WDR70: variants seen among roughly 807,000 people sequenced by gnomAD.
WDR70 encodes WD repeat-containing protein 70.
In WDR70, 53 loss-of-function variants were observed where a neutral mutation model predicts 88.6. That is an observed-to-expected ratio of 0.60 (90% CI 0.48 to 0.75). The LOEUF (loss-of-function observed/expected upper bound fraction) is 0.75, where lower values mean the gene tolerates loss of function less well. Ranked by LOEUF, WDR70 falls within the 30% of genes least tolerant of loss-of-function variation. The pLI, the probability that WDR70 is intolerant of heterozygous loss-of-function variation, is 0.00. For synonymous variants in WDR70, 280 were observed against 270.0 expected, an observed-to-expected ratio of 1.04 and a Z score of -0.36; for missense variants, 610 against 823.2, an observed-to-expected ratio of 0.74 and a Z score of 3.17.
chr5:37,513,009 T>C (rs1204933420), intron 8 of WDR70, among the ~76,000 whole-genome samples: 1 of 152,242 alleles, frequency 6.6e-6, no homozygotes, highest in Non-Finnish European at 1.5e-5. Context: ...TAGATAGTTA[T>C]CTGGGGTATT....
At chr5:37,729,871 T>C (rs568493556) in intron 17 of WDR70, among the ~76,000 whole-genome samples, 1 of 152,304 alleles carries the variant, frequency 6.6e-6, no homozygotes, top group African/African-American at 2.4e-5. Context: ...TGCTCCCTTT[T>C]CCTATTCCCA....
intron 9 of WDR70, among the ~76,000 whole-genome samples, chr5:37,523,135 G>A (rs539462544): frequency 1.9e-4 from 29 of 152,308 alleles, no homozygotes; most frequent in Admixed American, 1.0e-3. Flanking sequence ...GAGAGTAGTG[G>A]TTCTCCTAGC....
intron 9 of WDR70, among the ~76,000 whole-genome samples, chr5:37,598,172 G>C (rs1743756445): frequency 6.6e-6 from 1 of 152,080 alleles, no homozygotes; most frequent in South Asian, 2.1e-4. Context: ...ACAAAAAGTT[G>C]AATACCACAT....
intron 10 of WDR70, among the ~76,000 whole-genome samples, chr5:37,649,733 C>CTTCTTTTTTT (rs1384336784): frequency 1.9e-3 from 133 of 68,744 alleles, no homozygotes; most frequent in African/African-American, 7.4e-3. Context: ...GTTATTACTT[C>CTTCTTTTTTT]TTTTTTTTTT....
chr5:37,566,738 G>C, intron 9 of WDR70, among the ~76,000 whole-genome samples: 1 of 152,152 alleles, frequency 6.6e-6, no homozygotes, highest in East Asian at 1.9e-4. Context: ...AAGCTGCAAG[G>C]CTAATACATA....
At chr5:37,745,113 A>G (rs1748598866) in intron 17 of WDR70, among the ~76,000 whole-genome samples, 1 of 152,182 alleles carries the variant, frequency 6.6e-6, no homozygotes, top group South Asian at 2.1e-4. Context: ...ATTGCGGGCC[A>G]ATATCCAACA....
intron 13 of WDR70, among the ~76,000 whole-genome samples, chr5:37,717,388 T>C (rs1039028220): frequency 6.6e-6 from 1 of 152,268 alleles, no homozygotes. Context: ...TTTGATTCTG[T>C]AGATCTCATG....
At chr5:37,510,230 A>C (rs149316535) in intron 8 of WDR70, among the ~76,000 whole-genome samples, 11 of 152,030 alleles carry the variant, frequency 7.2e-5, no homozygotes, top group Admixed American at 4.6e-4. Context: ...CTTTATTTTC[A>C]CCTTACCCCT....
intron 5 of WDR70, among the ~76,000 whole-genome samples, chr5:37,398,531 C>T (rs1228327043): frequency 6.6e-6 from 1 of 152,136 alleles, no homozygotes; most frequent in African/African-American, 2.4e-5. Context: ...GTATTCTTTG[C>T]GTATTCCTTC....
chr5:37,497,781 G>T (rs1435658423), intron 8 of WDR70, among the ~76,000 whole-genome samples: 2 of 151,662 alleles, frequency 1.3e-5, no homozygotes, highest in African/African-American at 2.4e-5. Flanking sequence ...TTATTTTTCA[G>T]TACTTTGGTT....
At chr5:37,676,819 C>A (rs1746238881) in intron 10 of WDR70, among the ~76,000 whole-genome samples, 1 of 152,172 alleles carries the variant, frequency 6.6e-6, no homozygotes, top group South Asian at 2.1e-4. Flanking sequence ...GTACCCGTTC[C>A]TCCTTCTACC....
At chr5:37,426,919 G>A (rs528353705) in intron 5 of WDR70, among the ~76,000 whole-genome samples, 1 of 151,916 alleles carries the variant, frequency 6.6e-6, no homozygotes, top group Non-Finnish European at 1.5e-5. Flanking sequence ...GGGAATACGG[G>A]TGTGCACAAC....
intron 10 of WDR70, among the ~76,000 whole-genome samples, chr5:37,620,274 G>C (rs1561925631): frequency 6.6e-6 from 1 of 151,876 alleles, no homozygotes; most frequent in Non-Finnish European, 1.5e-5. Flanking sequence ...TTTTTTGTTT[G>C]TTTTTTGCCG....
At position 37,443,149 on chromosome 5, in the gene WDR70, G is replaced by A. The variant is rs892895724; in HGVS notation, c.553-90G>A. On this transcript the variant is annotated intron_variant, in intron 6 of 17. Coordinates refer to ENST00000265107, the MANE Select transcript of WDR70 (RefSeq NM_018034.4). ...TTGTACTTCCAAGTCCTATAACATA[G>A]GGGGTGGGATTAAAGAACAGAAATG... is the stretch of plus-strand genomic sequence containing the variant. The A allele has an allele frequency of 2.1e-6, 3 of 1,400,774 alleles. No homozygotes were observed. In the South Asian group the frequency reaches 4.3e-5, roughly 20 times the overall value. 86.8% of individuals were successfully genotyped at this position (1,400,774 alleles called of 1,614,324 possible). A position where few individuals can be genotyped will look rare whatever the true frequency, so the allele number is the denominator to read the frequency against.
intron 5 of WDR70, among the ~76,000 whole-genome samples, chr5:37,422,286 C>G (rs778518747): frequency 9.1e-6 from 1 of 109,478 alleles, no homozygotes; most frequent in African/African-American, 2.6e-5. Context: ...AGAAAACTTT[C>G]CTTTTTTCTT....
At chr5:37,545,328 C>T (rs758095852) in intron 9 of WDR70, among the ~76,000 whole-genome samples, 2 of 152,018 alleles carry the variant, frequency 1.3e-5, no homozygotes, top group Non-Finnish European at 2.9e-5. Context: ...AAGCAATTGG[C>T]ATAGTGTGTG....
chr5:37,574,116 A>C (rs1431749629), intron 9 of WDR70, among the ~76,000 whole-genome samples: 1 of 152,182 alleles, frequency 6.6e-6, no homozygotes, highest in Non-Finnish European at 1.5e-5. Context: ...GGTAGGGAAG[A>C]CCATAATGCA....
At chr5:37,426,712 G>C (rs1561847904) in intron 5 of WDR70, among the ~76,000 whole-genome samples, 1 of 152,024 alleles carries the variant, frequency 6.6e-6, no homozygotes, top group Non-Finnish European at 1.5e-5. Context: ...TGAATATTGA[G>C]AGATGTGATT....
At chr5:37,721,001 A>G in intron 13 of WDR70, 114 bp from the exon 14 acceptor site, 1 of 847,268 alleles carries the variant, frequency 1.2e-6, no homozygotes, top group Non-Finnish European at 1.9e-6. Flanking sequence ...TGAAAGTTAG[A>G]GGTAAACCAT....
Sources: allele counts gnomAD v4.1 joint callset (sites outside exome capture counted in the v4.1 genomes callset), GRCh38; gene constraint gnomAD v4.1.1; transcripts MANE v1.5; gene names NCBI Gene and HGNC (gene_info 2026-07-23, HGNC 2026-07-21).